EHBP1: variants seen among roughly 807,000 people sequenced by gnomAD.
The protein encoded by EHBP1 is EH domain-binding protein 1.
In EHBP1, 55 loss-of-function variants were observed where a neutral mutation model predicts 144.0. The observed-to-expected ratio is 0.38, with a 90% CI of 0.31 to 0.48. The LOEUF (loss-of-function observed/expected upper bound fraction) is 0.48. EHBP1 is among the 20% of genes least tolerant of loss of function. The pLI is 0.98. For missense variants in EHBP1, 1,200 were observed against 1,364.2 expected, an observed-to-expected ratio of 0.88 and a Z score of 1.90; for synonymous variants, 469 against 472.7, an observed-to-expected ratio of 0.99 and a Z score of 0.10.
At chr2:62,905,471 C>T (rs2053721408) in intron 10 of EHBP1, among the ~76,000 whole-genome samples, 1 of 151,896 alleles carries the variant, frequency 6.6e-6, no homozygotes, top group South Asian at 2.1e-4. Flanking sequence ...TCCAAGGATG[C>T]CAGCATCTAT....
Position 63,038,828 on chromosome 2 carries a change from T to C in EHBP1, c.3277+12T>C. ...GCTAGCCATTGAAGGTAAGAAATGCTATGGTGGGGTGAGGTATGTGACGTG... is the reference window on the plus strand; with the variant it reads ...GCTAGCCATTGAAGGTAAGAAATGCCATGGTGGGGTGAGGTATGTGACGTG... On this transcript the variant is annotated intron_variant, in intron 21 of 22. Coordinates refer to ENST00000431489, the MANE Select transcript of EHBP1 (RefSeq NM_001142616.3). 2 of 1,609,600 alleles carry C rather than the reference T, an allele frequency of 1.2e-6. No homozygotes were observed. Among genetic ancestry groups the C allele is most frequent in the Non-Finnish European group, 1.7e-6 (2 of 1,176,096 alleles).
intron 5 of EHBP1, among the ~76,000 whole-genome samples, chr2:62,819,093 A>G (rs1344582116): frequency 1.3e-5 from 2 of 152,224 alleles, no homozygotes; most frequent in Non-Finnish European, 2.9e-5. Flanking sequence ...ATGAATATAC[A>G]GAAATCCCAT....
chr2:62,722,055 T>G (rs2036275535), intron 2 of EHBP1, among the ~76,000 whole-genome samples: 1 of 152,202 alleles, frequency 6.6e-6, no homozygotes, highest in South Asian at 2.1e-4. Flanking sequence ...ATTTTTTTCT[T>G]AACATTTAAG....
intron 10 of EHBP1, among the ~76,000 whole-genome samples, chr2:62,888,363 G>C (rs1335291851): frequency 3.3e-5 from 5 of 152,140 alleles, no homozygotes; most frequent in African/African-American, 1.2e-4. Context: ...TGTGTTCAAT[G>C]GGAAAGATAA....
intron 1 of EHBP1, chr2:62,706,394 C>T (rs1445297768): frequency 6.6e-6 from 1 of 152,364 alleles, no homozygotes; most frequent in East Asian, 1.9e-4. Context: ...GATTTCCCTC[C>T]ACTCCTCGTT....
At chr2:62,913,111 T>C (rs1029149883) in intron 10 of EHBP1, among the ~76,000 whole-genome samples, 1 of 152,208 alleles carries the variant, frequency 6.6e-6, no homozygotes, top group Non-Finnish European at 1.5e-5. Flanking sequence ...TTGACACTTT[T>C]CCCTAATCAC....
In EHBP1 at chr2:63,045,070, G is replaced by A; in HGVS notation, c.3282G>A (p.Trp1094Ter). 1 of 1,556,878 alleles carries A rather than the reference G, an allele frequency of 6.4e-7. No individual in the cohort carries two copies. Among genetic ancestry groups the A allele is most frequent in the Non-Finnish European group, 8.7e-7 (1 of 1,148,748 alleles). Residue 1094 changes from tryptophan to a stop codon, truncating the protein, a stop_gained, in exon 22 of 23, where the codon TGG becomes TGA. Transcript: ENST00000431489. LOFTEE classifies it high-confidence loss of function. This position sits in a 1 kb window ranked among gnomAD's most constrained non-coding sequence, Gnocchi z 5.7. ...ELRAMLAIED[W>*]QKTEAQKRRE... ...CTAGCCTCCCGTCTTCTGCAGACTG[G>A]CAGAAGACCGAGGCCCAGAAGCGAC...
intron 1 of EHBP1, among the ~76,000 whole-genome samples, chr2:62,679,533 G>A (rs543237740): frequency 2.0e-5 from 3 of 151,766 alleles, no homozygotes; most frequent in Non-Finnish European, 4.4e-5. Context: ...CCCATAATTG[G>A]CTCTCCTAAT....
At chr2:62,731,005 T>G (rs1472298862) in intron 2 of EHBP1, among the ~76,000 whole-genome samples, 1 of 150,522 alleles carries the variant, frequency 6.6e-6, no homozygotes, top group Non-Finnish European at 1.5e-5. Context: ...ATAGATCAAA[T>G]TGGGAAGAAC....
intron 10 of EHBP1, among the ~76,000 whole-genome samples, chr2:62,897,131 G>A (rs866323907): frequency 1.4e-4 from 21 of 152,072 alleles, no homozygotes; most frequent in Middle Eastern, 3.4e-3. Flanking sequence ...TATTCTCCTC[G>A]TAGTTTTTAC....
intron 5 of EHBP1, among the ~76,000 whole-genome samples, chr2:62,810,855 T>C (rs1009718863): frequency 1.3e-5 from 2 of 152,254 alleles, no homozygotes; most frequent in African/African-American, 4.8e-5. Context: ...AAACTTTTTG[T>C]TGCTTTCTTT....
At chr2:62,844,567 C>T (rs1293398032) in intron 7 of EHBP1, among the ~76,000 whole-genome samples, 1 of 152,074 alleles carries the variant, frequency 6.6e-6, no homozygotes, top group African/African-American at 2.4e-5. Flanking sequence ...CTGGCAGTCA[C>T]ACAGTGCTTG....
chr2:62,694,003 C>A (rs1320567363), intron 1 of EHBP1, among the ~76,000 whole-genome samples: 1 of 152,084 alleles, frequency 6.6e-6, no homozygotes, highest in Non-Finnish European at 1.5e-5. Context: ...CATTGCCAAA[C>A]CCAAAGCTAT....
chr2:62,993,668 G>C lies in EHBP1; in HGVS notation c.2872G>C (p.Glu958Gln). ...SFSQYIENRP[E>Q]MKRQRSIQED... is the part of the protein sequence containing the mutation. ...CAGCCAATATATTGAGAATAGACCA[G>C]GTAGAACACTTTTTAAAATGTTTTT... Residue 958 changes from glutamate to glutamine, a missense_variant and splice_region_variant, in exon 17 of 23, where the codon GAG becomes CAG. By Grantham distance (29) the Glu-to-Gln change is conservative (BLOSUM62 2). This residue lies in a region of EHBP1 where 543 missense variants were observed against 513.1 expected (regional missense o/e 1.06). Coordinates refer to ENST00000431489, the MANE Select transcript of EHBP1 (RefSeq NM_001142616.3). 1 of 1,552,818 alleles carries C rather than the reference G, an allele frequency of 6.4e-7. No individual in the cohort carries two copies. The highest frequency in any genetic ancestry group is 8.7e-7 in the Non-Finnish European group (1 of 1,147,972).
chr2:62,930,625 C>T (rs774200382), intron 10 of EHBP1, among the ~76,000 whole-genome samples: 1 of 152,110 alleles, frequency 6.6e-6, no homozygotes, highest in Non-Finnish European at 1.5e-5. Flanking sequence ...GATTTTAAAA[C>T]TTACTGCACA....
intron 2 of EHBP1, among the ~76,000 whole-genome samples, chr2:62,729,440 AT>A: frequency 8.3e-6 from 1 of 120,912 alleles, no homozygotes; most frequent in South Asian, 2.2e-4. Context: ...ATAATAATAA[AT>A]ATAATAATAA....
chr2:62,783,243 C>T (rs971698268), intron 5 of EHBP1, among the ~76,000 whole-genome samples: 3 of 152,230 alleles, frequency 2.0e-5, no homozygotes, highest in Admixed American at 2.0e-4. Flanking sequence ...CTCCTGGCTG[C>T]TTTCACGGGC....
chr2:62,907,520 G>T (rs1487417117), intron 10 of EHBP1, among the ~76,000 whole-genome samples: 1 of 152,144 alleles, frequency 6.6e-6, no homozygotes. Flanking sequence ...TCTGGTGAGG[G>T]TCTGCTTCAT....
At chr2:62,689,135 ATT>A (rs1430286464) in intron 1 of EHBP1, among the ~76,000 whole-genome samples, 1 of 152,218 alleles carries the variant, frequency 6.6e-6, no homozygotes, top group African/African-American at 2.4e-5. Context: ...GCCTATAGTT[ATT>A]TTTATCAAAG....
Sources: gnomAD v4.1 joint callset for allele counts (sites outside exome capture counted in the v4.1 genomes callset) on GRCh38, gnomAD v4.1.1 for gene constraint, gnomAD v4.1.1 regional missense constraint, Gnocchi (gnomAD v3.1) non-coding constraint, MANE v1.5 for transcripts, NCBI Gene and HGNC (gene_info 2026-07-23, HGNC 2026-07-21) for gene names.